MYCN: variants seen among roughly 807,000 people sequenced by gnomAD.
The protein encoded by MYCN is MYCN proto-oncogene, bHLH transcription factor.
Under a neutral mutation model 28.1 loss-of-function variants are expected in MYCN, and 3 were observed. The observed-to-expected ratio is 0.11, with a 90% CI of 0.05 to 0.28. MYCN has a LOEUF of 0.28. Among genes scored for constraint, MYCN ranks in the 10% least tolerant of loss-of-function variants. MYCN has a pLI of 1.00. For synonymous variants in MYCN, 326 were observed against 288.3 expected (o/e 1.13, Z -1.32); for missense variants, 572 against 651.4 (o/e 0.88, Z 1.33).
rs2103332250 is a variant in MYCN, at chr2:15,946,090, C to G, written c.1388C>G (p.Thr463Ser). 1 of 1,614,196 alleles carries G rather than the reference C, an allele frequency of 6.2e-7. No homozygotes were observed. ...CTAAAGAAAATTGAACACGCTCGGA[C>G]TTGCTAGACGCTTCTCAAAACTGGA... ...QLLKKIEHAR[T>S]C Residue 463 changes from threonine to serine, a missense_variant, in exon 3 of 3, where the codon ACT (threonine) becomes AGT (serine). Physicochemically the swap from Thr to Ser is moderately conservative, Grantham distance 58. Coordinates refer to ENST00000281043, the MANE Select transcript of MYCN (RefSeq NM_005378.6).
rs1387579404 is a variant in MYCN at position 15,942,217 on chromosome 2, G to T, written c.153G>T (p.Lys51Asn). 1 of 1,613,312 alleles carries T rather than the reference G, an allele frequency of 6.2e-7. No individual in the cohort carries two copies. The highest frequency in any genetic ancestry group is 8.5e-7 in the Non-Finnish European group (1 of 1,179,962). ...DSTPPGEDIW[K>N]KFELLPTPPL... ...CCCCCCCGGGGGAGGACATCTGGAA[G>T]AAGTTTGAGCTGCTGCCCACGCCCC... The change falls in exon 2 of 3, where the codon AAG (lysine) becomes AAT (asparagine). Residue 51 changes from lysine (K) to asparagine (N), a missense_variant. Physicochemically the swap from Lys to Asn is moderately conservative, Grantham distance 94. Transcript: ENST00000281043. This position sits in a 1 kb window ranked among gnomAD's most constrained non-coding sequence, Gnocchi z 7.0.
chr2:15,942,007 G>A lies in MYCN; in HGVS notation c.-58G>A. ...CCCCCCACGGGAAGGAAGCACCCCC[G>A]GTATTAAAACGAACGGGGCGGAAAG... On this transcript the variant is annotated 5_prime_UTR_variant, in exon 2 of 3. Coordinates refer to ENST00000281043, the MANE Select transcript of MYCN (RefSeq NM_005378.6). This position sits in a 1 kb window ranked among gnomAD's most constrained non-coding sequence, Gnocchi z 7.0. The A allele has an allele frequency of 1.2e-6, 2 of 1,607,102 alleles. No individual in the cohort carries two copies. The highest frequency in any genetic ancestry group is 1.7e-6 in the Non-Finnish European group (2 of 1,177,266).
chr2:15,945,667 G>C lies in MYCN; in HGVS notation c.965G>C (p.Arg322Pro). The C allele has an allele frequency of 1.2e-6, 2 of 1,614,120 alleles. No individual in the cohort carries two copies. The highest frequency in any genetic ancestry group is 1.7e-6 in the Non-Finnish European group (2 of 1,180,024). The change falls in exon 3 of 3, where the codon CGA (arginine) becomes CCA (proline). Residue 322 changes from arginine to proline, a missense_variant. Arg to Pro is a moderately radical substitution (Grantham distance 103). Coordinates refer to ENST00000281043, the MANE Select transcript of MYCN (RefSeq NM_005378.6). The surrounding 1 kb of genome is among the most constrained non-coding windows in gnomAD (Gnocchi z 4.8). Reference sequence around the variant, plus strand: ...CAGTCCAGCGAGCTGATCCTCAAACGATGCCTTCCCATCCACCAGCAGCAC... The same window carrying C: ...CAGTCCAGCGAGCTGATCCTCAAACCATGCCTTCCCATCCACCAGCAGCAC... The part of the protein sequence containing the change: ...RAQSSELILK[R>P]CLPIHQQHNY...
rs570751336 is a variant in MYCN at position 15,943,623 on chromosome 2, C to T, written c.790+769C>T. On this transcript the variant is annotated intron_variant, in intron 2 of 2. Coordinates refer to ENST00000281043, the MANE Select transcript of MYCN (RefSeq NM_005378.6). ...AGTTGTGTACATTCTCAGGGGGCCT[C>T]CTCTTTCCAGTGTGCAGTGGAAACT... Among the ~76,000 whole-genome samples the T allele has an allele frequency of 1.3e-4, 20 of 152,174 alleles. No homozygotes were observed. The South Asian group carries it at 3.7e-3, about 28-fold the overall frequency.
chr2:15,945,430 G>A lies in MYCN; in HGVS notation c.791-63G>A. On this transcript the variant is annotated intron_variant, in intron 2 of 2. Coordinates refer to ENST00000281043, the MANE Select transcript of MYCN (RefSeq NM_005378.6). The surrounding 1 kb of genome is among the most constrained non-coding windows in gnomAD (Gnocchi z 4.8). The stretch of plus-strand genomic sequence containing the variant: ...ACAGATAAGCATACATATTAACATG[G>A]ATATATATGTGAATTTCATTCAAAT... 1.3e-6 allele frequency: 2 copies of A among 1,529,410 alleles called. No homozygotes were observed. Among genetic ancestry groups the A allele is most frequent in the South Asian group, 1.2e-5 (1 of 83,640 alleles). The allele number at this position is 1,529,410 out of a possible 1,614,324, so 94.7% of individuals were successfully genotyped here. A position where few individuals can be genotyped will look rare whatever the true frequency, so the allele number is the denominator to read the frequency against.
chr2:15,946,439 A>T lies in MYCN; in HGVS notation c.*342A>T. ...ATTCCTTCTTTTTAAAATGGTGCTT[A>T]AGTTCCAGCAGATGCCACATAAGGG... On this transcript the variant is annotated 3_prime_UTR_variant, in exon 3 of 3. Coordinates refer to ENST00000281043, the MANE Select transcript of MYCN (RefSeq NM_005378.6). 1 of 432,386 alleles carries T rather than the reference A, an allele frequency of 2.3e-6. No homozygotes were observed. The highest frequency in any genetic ancestry group is 4.3e-6 in the Non-Finnish European group (1 of 232,242). 26.8% of individuals were successfully genotyped at this position (432,386 alleles called of 1,614,324 possible). A position where few individuals can be genotyped will look rare whatever the true frequency, so the allele number is the denominator to read the frequency against.
At position 15,942,032 on chromosome 2, in the gene MYCN, G is replaced by A. The variant is rs768759295; in HGVS notation, c.-33G>A. On this transcript the variant is annotated 5_prime_UTR_variant, in exon 2 of 3. Coordinates refer to ENST00000281043, the MANE Select transcript of MYCN (RefSeq NM_005378.6). The surrounding 1 kb of genome is among the most constrained non-coding windows in gnomAD (Gnocchi z 7.0). ...GGTATTAAAACGAACGGGGCGGAAAGAAGCCCTCAGTCGCCGGCCGGGAGG... is the reference window on the plus strand; with the variant it reads ...GGTATTAAAACGAACGGGGCGGAAAAAAGCCCTCAGTCGCCGGCCGGGAGG... 4 of 1,612,792 alleles carry A rather than the reference G, an allele frequency of 2.5e-6. No homozygotes were observed. Among genetic ancestry groups the A allele is most frequent in the Non-Finnish European group, 3.4e-6 (4 of 1,179,852 alleles).
In MYCN at chr2:15,942,957, A is replaced by C; in HGVS notation, c.790+103A>C. 1 of 1,395,638 alleles carries C rather than the reference A, an allele frequency of 7.2e-7. No homozygotes were observed. 86.5% of individuals were successfully genotyped at this position (1,395,638 alleles called of 1,614,324 possible). A position where few individuals can be genotyped will look rare whatever the true frequency, so the allele number is the denominator to read the frequency against. On this transcript the variant is annotated intron_variant, in intron 2 of 2. Coordinates refer to ENST00000281043, the MANE Select transcript of MYCN (RefSeq NM_005378.6). The surrounding 1 kb of genome is among the most constrained non-coding windows in gnomAD (Gnocchi z 7.0). ...TGTCTTGGCCTGGGGAGCATTTTGGAGGCAGTGCTAGGGGCAGAGAGGTCC... is the reference window on the plus strand; with the variant it reads ...TGTCTTGGCCTGGGGAGCATTTTGGCGGCAGTGCTAGGGGCAGAGAGGTCC...
chr2:15,943,235 A>G (rs1179695851), intron 2 of MYCN, among the ~76,000 whole-genome samples: 4 of 152,002 alleles, frequency 2.6e-5, no homozygotes, highest in Non-Finnish European at 1.5e-5. Flanking sequence ...CACTGCCTGG[A>G]CAGAAACCTG....
chr2:15,945,399 G>A lies in MYCN; in HGVS notation c.791-94G>A. On this transcript the variant is annotated intron_variant, in intron 2 of 2. Transcript: ENST00000281043. The surrounding 1 kb of genome is among the most constrained non-coding windows in gnomAD (Gnocchi z 4.8). ...AATAGCAGTCTGCCAGGGTCTGCCG[G>A]AAGAGACAGATAAGCATACATATTA... 1 of 1,443,640 alleles carries A rather than the reference G, an allele frequency of 6.9e-7. No individual in the cohort carries two copies. The highest frequency in any genetic ancestry group is 9.5e-7 in the Non-Finnish European group (1 of 1,051,374). 89.4% of individuals were successfully genotyped at this position (1,443,640 alleles called of 1,614,324 possible).
chr2:15,945,497 T>A lies in MYCN; in HGVS notation c.795T>A (p.Asp265Glu), dbSNP rs1558535862. Residue 265 changes from aspartate (D) to glutamate (E), a missense_variant, in exon 3 of 3, where the codon GAT becomes GAA. Coordinates refer to ENST00000281043, the MANE Select transcript of MYCN (RefSeq NM_005378.6). This position sits in a 1 kb window ranked among gnomAD's most constrained non-coding sequence, Gnocchi z 4.8. ...TAACTAGCATCTTTCTCTCAGATGA[T>A]GAAGATGATGAAGAGGAAGATGAAG... Reference protein sequence around the residue: ...SGEDTLSDSDDEDDEEEDEEE... With the variant: ...SGEDTLSDSDEEDDEEEDEEE... 1 of 1,605,974 alleles carries A rather than the reference T, an allele frequency of 6.2e-7. No homozygotes were observed.
rs925825680 is a variant in MYCN at position 15,945,289 on chromosome 2, C to G, written c.791-204C>G. Among the ~76,000 whole-genome samples, 1 of 152,000 alleles carries G rather than the reference C, an allele frequency of 6.6e-6. No homozygotes were observed. The highest frequency in any genetic ancestry group is 1.5e-5 in the Non-Finnish European group (1 of 67,998). On this transcript the variant is annotated intron_variant, in intron 2 of 2. Transcript: ENST00000281043. This position sits in a 1 kb window ranked among gnomAD's most constrained non-coding sequence, Gnocchi z 4.8. ...TGCTGGGATTACAGGTGTGAGTCAC[C>G]GCGTCCGGCCTACAGATATATTTAA...
At position 15,945,517 on chromosome 2, in the gene MYCN, A is replaced by G; in HGVS notation, c.815A>G (p.Asp272Gly). ...GATGATGAAGATGATGAAGAGGAAG[A>G]TGAAGAGGAAGAAATCGACGTGGTC... ...DSDDEDDEEE[D>G]EEEEIDVVTV... The change falls in exon 3 of 3, where the codon GAT (aspartate) becomes GGT (glycine). Residue 272 changes from aspartate to glycine, a missense_variant. Physicochemically the swap from Asp to Gly is moderately conservative, Grantham distance 94. Coordinates refer to ENST00000281043, the MANE Select transcript of MYCN (RefSeq NM_005378.6). The surrounding 1 kb of genome is among the most constrained non-coding windows in gnomAD (Gnocchi z 4.8). 1 of 1,612,626 alleles carries G rather than the reference A, an allele frequency of 6.2e-7. No individual in the cohort carries two copies. Among genetic ancestry groups the G allele is most frequent in the Non-Finnish European group, 8.5e-7 (1 of 1,179,400 alleles).
intron 2 of MYCN, among the ~76,000 whole-genome samples, chr2:15,944,981 T>C (rs543842949): frequency 6.2e-4 from 91 of 147,192 alleles, no homozygotes; most frequent in African/African-American, 2.2e-3. Flanking sequence ...TATATGTATG[T>C]ATGTATGTAT....
Position 15,942,511 on chromosome 2 carries a change from C to T in MYCN, c.447C>T (p.Ser149=), listed in dbSNP as rs751900208. Residue 149 remains serine (S), a synonymous_variant, in exon 2 of 3, where the codon TCC becomes TCT. Transcript: ENST00000281043. The surrounding 1 kb of genome is among the most constrained non-coding windows in gnomAD (Gnocchi z 7.0). ...CAACCGCCGGTTCCACCGCCCAGTC[C>T]CCGGGAGCCGGCGCCGCCAGCCCTG... is the stretch of plus-strand genomic sequence containing the variant. ...GPPTAGSTAQ[S]PGAGAASPAG... 6 of 1,458,562 alleles carry T rather than the reference C, an allele frequency of 4.1e-6. No individual in the cohort carries two copies. The Admixed American group carries it at 1.2e-4, about 29-fold the overall frequency. 90.4% of individuals were successfully genotyped at this position (1,458,562 alleles called of 1,614,324 possible).
chr2:15,940,686 G>T lies in MYCN; in HGVS notation c.-175G>T. 1.4e-5 allele frequency: 3 copies of T among 209,536 alleles called. No homozygotes were observed. Among genetic ancestry groups the T allele is most frequent in the Non-Finnish European group, 2.8e-5 (3 of 107,864 alleles). 13.0% of individuals were successfully genotyped at this position (209,536 alleles called of 1,614,324 possible). A position where few individuals can be genotyped will look rare whatever the true frequency, so the allele number is the denominator to read the frequency against. On this transcript the variant is annotated 5_prime_UTR_variant, in exon 1 of 3. Coordinates refer to ENST00000281043, the MANE Select transcript of MYCN (RefSeq NM_005378.6). The stretch of plus-strand genomic sequence containing the variant: ...CATCCGAGGACACCCCCGCCCCCCC[G>T]GCCCACCCGGAGACACCCGCGCAGA...
chr2:15,946,642 ATTG>A lies in MYCN; in HGVS notation c.*548_*550del, dbSNP rs1662881545. ...AGGAGCATGTTTTGTATACAAATATATTGTTAATCTCTGTTATGTACTGTACTA... is the reference window on the plus strand; with the variant it reads ...AGGAGCATGTTTTGTATACAAATATATTAATCTCTGTTATGTACTGTACTA... On this transcript the variant is annotated 3_prime_UTR_variant, in exon 3 of 3. Coordinates refer to ENST00000281043, the MANE Select transcript of MYCN (RefSeq NM_005378.6). 3.7e-6 allele frequency: 1 copy of A among 270,626 alleles called. No homozygotes were observed. Among genetic ancestry groups the A allele is most frequent in the Non-Finnish European group, 7.2e-6 (1 of 139,528 alleles). The allele number at this position is 270,626 out of a possible 1,614,324, so 16.8% of individuals were successfully genotyped here.
In MYCN at chr2:15,942,093, C is replaced by T; in HGVS notation, c.29C>T (p.Pro10Leu). The change falls in exon 2 of 3, where the codon CCG becomes CTG. Residue 10 changes from proline to leucine, a missense_variant. Pro to Leu is a moderately conservative substitution (Grantham distance 98). Transcript: ENST00000281043. This position sits in a 1 kb window ranked among gnomAD's most constrained non-coding sequence, Gnocchi z 7.0. ...CCGAGCTGCTCCACGTCCACCATGCCGGGCATGATCTGCAAGAACCCAGAC... is the reference window on the plus strand; with the variant it reads ...CCGAGCTGCTCCACGTCCACCATGCTGGGCATGATCTGCAAGAACCCAGAC... MPSCSTSTM[P>L]GMICKNPDLE... 4.3e-6 allele frequency: 7 copies of T among 1,613,858 alleles called. No homozygotes were observed. Among genetic ancestry groups the T allele is most frequent in the Non-Finnish European group, 5.9e-6 (7 of 1,180,002 alleles).
rs767651526 is a variant in MYCN at position 15,942,676 on chromosome 2, C to T, written c.612C>T (p.Pro204=). 6 of 1,176,606 alleles carry T rather than the reference C, an allele frequency of 5.1e-6. No homozygotes were observed. In the Admixed American group the frequency reaches 2.2e-4, roughly 44 times the overall value. 72.9% of individuals were successfully genotyped at this position (1,176,606 alleles called of 1,614,324 possible). A position where few individuals can be genotyped will look rare whatever the true frequency, so the allele number is the denominator to read the frequency against. Residue 204 remains proline, a synonymous_variant, in exon 2 of 3, where the codon CCC becomes CCT. Transcript: ENST00000281043. The surrounding 1 kb of genome is among the most constrained non-coding windows in gnomAD (Gnocchi z 7.0). ...PFPVNKREPA[P]VPAAPASAPA... ...CCGTGAACAAGCGCGAGCCAGCGCCCGTGCCCGCAGCCCCGGCCAGTGCCC... is the reference window on the plus strand; with the variant it reads ...CCGTGAACAAGCGCGAGCCAGCGCCTGTGCCCGCAGCCCCGGCCAGTGCCC...
Sources: gnomAD v4.1 joint callset for allele counts (sites outside exome capture counted in the v4.1 genomes callset) on GRCh38, gnomAD v4.1.1 for gene constraint, Gnocchi (gnomAD v3.1) non-coding constraint, MANE v1.5 for transcripts, NCBI Gene and HGNC (gene_info 2026-07-23, HGNC 2026-07-21) for gene names.